The following PRKAR1A variants were observed in gnomAD, a reference collection of about 807,000 sequenced individuals.
PRKAR1A encodes protein kinase cAMP-dependent type I regulatory subunit alpha, also known as cAMP-dependent protein kinase type I-alpha regulatory subunit.
In PRKAR1A, 3 loss-of-function variants were observed where a neutral mutation model predicts 52.0. The ratio of observed to expected loss-of-function variants is 0.06; its 90% CI spans 0.03 to 0.15. PRKAR1A has a LOEUF of 0.15. PRKAR1A is among the 10% of genes least tolerant of loss of function. PRKAR1A has a pLI of 1.00. For missense variants in PRKAR1A, 240 were observed against 477.4 expected (o/e 0.50, Z 4.63); for synonymous variants, 188 against 168.4 (o/e 1.12, Z -0.90).
chr17:68,432,322 A>G, the PRKAR1A span, among the ~76,000 whole-genome samples: 11 of 152,222 alleles, frequency 7.2e-5, no homozygotes, highest in African/African-American at 2.7e-4. Context: ...TTAATCACAC[A>G]TGCCTTTAAA....
At chr17:68,526,625 A>G (rs2952273) in intron 7 of PRKAR1A, among the ~76,000 whole-genome samples, 47,115 of 152,036 alleles carry the variant, frequency 0.31, 7,626 homozygotes, top group East Asian at 0.56. Context: ...GCAGCAACAT[A>G]GATAGAGCTG....
the PRKAR1A span, among the ~76,000 whole-genome samples, chr17:68,500,674 C>A: frequency 6.6e-6 from 1 of 152,018 alleles, no homozygotes; most frequent in Non-Finnish European, 1.5e-5. Flanking sequence ...CCACCACGCC[C>A]GGCTAATTTT....
the PRKAR1A span, among the ~76,000 whole-genome samples, chr17:68,466,528 C>T: frequency 1.3e-5 from 2 of 149,994 alleles, no homozygotes. Flanking sequence ...TCTAGTGCCT[C>T]GGCCTCCCGA....
the PRKAR1A span, among the ~76,000 whole-genome samples, chr17:68,433,760 G>GTTT: frequency 3.7e-4 from 27 of 72,820 alleles, 3 homozygotes; most frequent in East Asian, 4.8e-3. Context: ...AAGGGTCATA[G>GTTT]TTTTTTTTTT....
At chr17:68,419,765 G>T in the PRKAR1A span, among the ~76,000 whole-genome samples, 1 of 150,262 alleles carries the variant, frequency 6.7e-6, no homozygotes, top group Admixed American at 6.6e-5. Flanking sequence ...TTTGAGACCA[G>T]CTTGAGGAAC....
At chr17:68,427,026 C>A in the PRKAR1A span, 2 of 881,026 alleles carry the variant, frequency 2.3e-6, no homozygotes, top group South Asian at 3.1e-5. Context: ...GGAGGGAGGG[C>A]ACTCCACCCC....
intron 7 of PRKAR1A, 120 bp from the exon 8 acceptor site, chr17:68,527,720 A>G: frequency 1.2e-6 from 1 of 831,094 alleles, no homozygotes; most frequent in Non-Finnish European, 1.9e-6. Flanking sequence ...CATTAAAAGC[A>G]ACAAGCTTTG....
chr17:68,499,506 G>A, the PRKAR1A span, among the ~76,000 whole-genome samples: 2 of 152,218 alleles, frequency 1.3e-5, no homozygotes, highest in Non-Finnish European at 2.9e-5. Flanking sequence ...TCTAGGAGCA[G>A]GCAGGGCTGG....
At chr17:68,522,530 C>T (rs1217434699) in intron 2 of PRKAR1A, among the ~76,000 whole-genome samples, 1 of 152,046 alleles carries the variant, frequency 6.6e-6, no homozygotes, top group Non-Finnish European at 1.5e-5. Flanking sequence ...TGACTTTTGC[C>T]CATTAATAAA....
upstream of PRKAR1A, among the ~76,000 whole-genome samples, chr17:68,507,633 C>T (rs1170110147): frequency 6.6e-6 from 1 of 151,960 alleles, no homozygotes; most frequent in African/African-American, 2.4e-5. Context: ...ACATGTATCC[C>T]GAACTTAAAT....
chr17:68,486,519 T>TCCC, the PRKAR1A span, among the ~76,000 whole-genome samples: 111 of 75,304 alleles, frequency 1.5e-3, 1 homozygote, highest in Non-Finnish European at 2.4e-3. Flanking sequence ...CTTTCTTTCT[T>TCCC]TCTTTCTTTC....
At chr17:68,477,274 T>G in the PRKAR1A span, among the ~76,000 whole-genome samples, 2 of 152,244 alleles carry the variant, frequency 1.3e-5, no homozygotes, top group African/African-American at 4.8e-5. Flanking sequence ...CTAATTCATT[T>G]AATTCTTTTC....
chr17:68,445,052 C>G, the PRKAR1A span, among the ~76,000 whole-genome samples: 2 of 151,636 alleles, frequency 1.3e-5, no homozygotes, highest in Admixed American at 6.6e-5. Flanking sequence ...TCCTGAGTAG[C>G]TGGGATTACA....
At chr17:68,477,216 G>C in the PRKAR1A span, among the ~76,000 whole-genome samples, 1 of 151,838 alleles carries the variant, frequency 6.6e-6, no homozygotes, top group Admixed American at 6.6e-5. Context: ...ATCAAATCTG[G>C]TTGACAATGA....
At chr17:68,523,671 C>A in intron 3 of PRKAR1A, 54 bp from the exon 4 acceptor site, 1 of 1,415,768 alleles carries the variant, frequency 7.1e-7, no homozygotes, top group Non-Finnish European at 1.0e-6. Context: ...AGGTTGCAAA[C>A]GTGAAATGTT....
At position 68,532,234 on chromosome 17, in the gene PRKAR1A, C is replaced by T. The variant is rs919743312; in HGVS notation, c.*1785C>T. ...ATTAAAAATGAAAATTACGTTCTTA[C>T]AAGCTTAAAGCTTGATTTGATCTTT... On this transcript the variant is annotated 3_prime_UTR_variant, in exon 11 of 11. Coordinates refer to ENST00000589228, the MANE Select transcript of PRKAR1A (RefSeq NM_002734.5). 5 of 1,036,274 alleles carry T rather than the reference C, an allele frequency of 4.8e-6. No individual in the cohort carries two copies. Among genetic ancestry groups the T allele is most frequent in the African/African-American group, 3.3e-5 (2 of 60,322 alleles). 64.2% of individuals were successfully genotyped at this position (1,036,274 alleles called of 1,614,324 possible).
chr17:68,435,594 A>C, the PRKAR1A span: 1 of 1,609,774 alleles, frequency 6.2e-7, no homozygotes. Flanking sequence ...AAACCCAGAC[A>C]GAGGTGTTGG....
chr17:68,452,352 G>C, the PRKAR1A span, among the ~76,000 whole-genome samples: 1 of 152,194 alleles, frequency 6.6e-6, no homozygotes, highest in Non-Finnish European at 1.5e-5. Flanking sequence ...ATAACTCAAA[G>C]TCAGGAGTTG....
intron 5 of PRKAR1A, among the ~76,000 whole-genome samples, chr17:68,524,436 ATAGC>A (rs2085718383): frequency 6.6e-6 from 1 of 152,196 alleles, no homozygotes; most frequent in Non-Finnish European, 1.5e-5. Flanking sequence ...TCTTCATTGT[ATAGC>A]CCTGTCTATT....
Sources: gnomAD v4.1 joint callset for allele counts (sites outside exome capture counted in the v4.1 genomes callset) on GRCh38, gnomAD v4.1.1 for gene constraint, MANE v1.5 for transcripts, NCBI Gene and HGNC (gene_info 2026-07-23, HGNC 2026-07-21) for gene names.